The following C17orf99 variants were observed in gnomAD, a reference collection of about 807,000 sequenced individuals.
C17orf99 encodes the protein protein IL-40.
A neutral mutation model predicts 22.6 loss-of-function variants in C17orf99; 18 were observed. The ratio of observed to expected loss-of-function variants is 0.80; its 90% CI spans 0.55 to 1.18. The LOEUF is 1.18. Ranked by LOEUF, C17orf99 falls within the 50% of genes most tolerant of loss-of-function variation. The pLI, the probability that C17orf99 is intolerant of heterozygous loss-of-function variation, is 0.00. For missense variants in C17orf99, 328 were observed against 342.7 expected, an observed-to-expected ratio of 0.96 and a Z score of 0.34; for synonymous variants, 147 against 136.6, an observed-to-expected ratio of 1.08 and a Z score of -0.53.
chr17:78,146,279 C>G (rs1481616184), upstream of C17orf99: 5 of 767,074 alleles, frequency 6.5e-6, no homozygotes, highest in Admixed American at 2.8e-5. The surrounding 1 kb of genome is among the most constrained non-coding windows in gnomAD (Gnocchi z 5.2). Flanking sequence ...CCCTGGGGTG[C>G]TGCGGCCTCC....
chr17:78,165,888 G>A lies in C17orf99; in HGVS notation c.641-1G>A. 1.5e-6 allele frequency: 2 copies of A among 1,343,502 alleles called. No homozygotes were observed. The highest frequency in any genetic ancestry group is 2.1e-5 in the South Asian group (1 of 48,034). The allele number at this position is 1,343,502 out of a possible 1,614,324, so 83.2% of individuals were successfully genotyped here. On this transcript the variant is annotated splice_acceptor_variant, in intron 4 of 4. Transcript: ENST00000340363. LOFTEE classifies it high-confidence loss of function. Reference sequence around the variant, plus strand: ...ACTTGAGTCTCCACTGCTTTGTCAAGGTGGTGACCAGAAGATGGAGGACTG... The same window carrying A: ...ACTTGAGTCTCCACTGCTTTGTCAAAGTGGTGACCAGAAGATGGAGGACTG...
chr17:78,150,013 A>AT (rs60569234), intron 2 of C17orf99, among the ~76,000 whole-genome samples: 3,453 of 137,022 alleles, frequency 0.025, 64 homozygotes, highest in East Asian at 0.086. Flanking sequence ...CCGGAAGCTA[A>AT]TTTTTTTTTT....
intron 2 of C17orf99, among the ~76,000 whole-genome samples, chr17:78,156,526 A>T (rs1380988174): frequency 6.6e-6 from 1 of 151,978 alleles, no homozygotes; most frequent in Non-Finnish European, 1.5e-5. Flanking sequence ...GCTGGTTTTG[A>T]TCTGGGTCTA....
intron 2 of C17orf99, chr17:78,160,639 T>A (rs967686711): frequency 5.3e-6 from 2 of 378,452 alleles, no homozygotes; most frequent in African/African-American, 4.2e-5. Flanking sequence ...TGCAGTGGTG[T>A]GATCTCGGCT....
intron 3 of C17orf99, among the ~76,000 whole-genome samples, chr17:78,161,618 C>A (rs1488068557): frequency 6.6e-6 from 1 of 152,074 alleles, no homozygotes; most frequent in Non-Finnish European, 1.5e-5. Flanking sequence ...CCGAGACAGG[C>A]TGATCGCTTG....
Position 78,165,994 on chromosome 17 carries a change from G to T in C17orf99, c.746G>T (p.Gly249Val), listed in dbSNP as rs930808913. The T allele has an allele frequency of 2.0e-6, 3 of 1,493,834 alleles. No homozygotes were observed. The highest frequency in any genetic ancestry group is 2.7e-6 in the Non-Finnish European group (3 of 1,111,828). 92.5% of individuals were successfully genotyped at this position (1,493,834 alleles called of 1,614,324 possible). A position where few individuals can be genotyped will look rare whatever the true frequency, so the allele number is the denominator to read the frequency against. ...TRRLSEEEFG[G>V]FRIGNGEVRG... Reference sequence around the variant, plus strand: ...CGTCTGAGTGAAGAGGAGTTTGGGGGGTTCAGGATAGGGAATGGGGAGGTC... The same window carrying T: ...CGTCTGAGTGAAGAGGAGTTTGGGGTGTTCAGGATAGGGAATGGGGAGGTC... The change falls in exon 5 of 5, where the codon GGG becomes GTG. Residue 249 changes from glycine to valine, a missense_variant. Physicochemically the swap from Gly to Val is moderately radical, Grantham distance 109. Transcript: ENST00000340363.
chr17:78,158,323 C>A, intron 2 of C17orf99: 1 of 364,346 alleles, frequency 2.7e-6, no homozygotes, highest in South Asian at 2.3e-5. Context: ...GAGATGGATT[C>A]TCGCCCTGTC....
At chr17:78,149,287 G>A (rs1024330436) in intron 2 of C17orf99, among the ~76,000 whole-genome samples, 10 of 125,866 alleles carry the variant, frequency 7.9e-5, no homozygotes, top group Admixed American at 3.8e-4. Context: ...AACCAAGATC[G>A]CACCACTGCA....
In C17orf99 at chr17:78,155,345, G is replaced by A. The variant is rs548030100; in HGVS notation, c.71-5610G>A. 1.9e-4 allele frequency among the ~76,000 whole-genome samples: 29 copies of A among 152,086 alleles called. No individual in the cohort carries two copies. The South Asian group carries it at 6.0e-3, about 32-fold the overall frequency. On this transcript the variant is annotated intron_variant, in intron 2 of 4. Transcript: ENST00000340363. ...TCAATCAGCAGTTTCCTCATTGCAG[G>A]GTGGTTTCCAGAGCAGACATGCCCA... is the stretch of plus-strand genomic sequence containing the variant.
At chr17:78,151,441 A>AAAAAAAAAC (rs2075482486) in intron 2 of C17orf99, among the ~76,000 whole-genome samples, 1 of 151,064 alleles carries the variant, frequency 6.6e-6, no homozygotes, top group Non-Finnish European at 1.5e-5. Flanking sequence ...AAAAAAAAAA[A>AAAAAAAAAC]AAAAAGCAAA....
At chr17:78,147,694 C>A (rs189886269) in intron 2 of C17orf99, among the ~76,000 whole-genome samples, 1 of 152,178 alleles carries the variant, frequency 6.6e-6, no homozygotes, top group African/African-American at 2.4e-5. Context: ...GGCCTTCCCC[C>A]TCTATTTTGC....
intron 4 of C17orf99, chr17:78,164,592 G>C (rs769056363): frequency 5.7e-5 from 87 of 1,525,740 alleles, no homozygotes; most frequent in Non-Finnish European, 7.5e-5. Flanking sequence ...ACCCACCATC[G>C]TGCTGGTTGG....
intron 4 of C17orf99, 60 bp from the exon 5 acceptor site, chr17:78,165,829 T>A: frequency 7.8e-7 from 1 of 1,279,872 alleles, no homozygotes; most frequent in African/African-American, 1.5e-5. Flanking sequence ...CTCAGACGCC[T>A]CGGGAGGGGA....
intron 3 of C17orf99, among the ~76,000 whole-genome samples, chr17:78,163,692 C>A (rs1007713264): frequency 4.6e-5 from 7 of 152,068 alleles, no homozygotes; most frequent in African/African-American, 1.7e-4. Flanking sequence ...ATGGTGAAAC[C>A]CCATCTCTGC....
chr17:78,157,237 G>A (rs1174549560), intron 2 of C17orf99, among the ~76,000 whole-genome samples: 11 of 150,426 alleles, frequency 7.3e-5, no homozygotes, highest in South Asian at 4.2e-4. Context: ...AGGCCGAGGC[G>A]GGCGCATCAT....
chr17:78,154,582 C>G (rs1388724338), intron 2 of C17orf99, among the ~76,000 whole-genome samples: 10 of 142,724 alleles, frequency 7.0e-5, no homozygotes, highest in Non-Finnish European at 1.4e-4. Flanking sequence ...GTGGCTCACA[C>G]CTGTAATCCC....
intron 2 of C17orf99, among the ~76,000 whole-genome samples, chr17:78,152,783 A>G (rs1319026647): frequency 6.6e-6 from 1 of 151,602 alleles, no homozygotes. Context: ...AAGCAGAAGA[A>G]TTTTGAATTA....
intron 2 of C17orf99, chr17:78,158,547 G>C (rs1034287113): frequency 6.1e-6 from 1 of 165,076 alleles, no homozygotes; most frequent in African/African-American, 2.4e-5. Flanking sequence ...CACCCGCCTT[G>C]GCCTCCCAAA....
chr17:78,157,442 C>T, intron 2 of C17orf99: 2 of 1,306,074 alleles, frequency 1.5e-6, no homozygotes, highest in East Asian at 3.1e-5. Flanking sequence ...ATGATTTGGA[C>T]TTCGAGACAG....
Sources: allele counts gnomAD v4.1 joint callset (sites outside exome capture counted in the v4.1 genomes callset), GRCh38; gene constraint gnomAD v4.1.1; non-coding constraint Gnocchi (gnomAD v3.1); transcripts MANE v1.5; gene names NCBI Gene and HGNC (gene_info 2026-07-23, HGNC 2026-07-21).